The following PI4KA variants were observed in gnomAD, a reference collection of about 807,000 sequenced individuals.
PI4KA encodes PI4-kinase alpha.
PI4KA carries 122 observed loss-of-function variants against 271.4 expected under a neutral mutation model. The observed-to-expected ratio is 0.45, with a 90% confidence interval of 0.39 to 0.52. The LOEUF (loss-of-function observed/expected upper bound fraction) is 0.52, where lower values mean the gene tolerates loss of function less well. Among genes scored for constraint, PI4KA ranks in the 20% least tolerant of loss-of-function variants. PI4KA has a pLI of 0.00. For missense variants in PI4KA, 1,969 were observed against 2,769.1 expected (o/e 0.71, Z 6.48); for synonymous variants, 1,041 against 1,078.8 (o/e 0.96, Z 0.69).
At chr22:20,815,311 G>A (rs1162810366) in intron 7 of PI4KA, among the ~76,000 whole-genome samples, 4 of 149,948 alleles carry the variant, frequency 2.7e-5, no homozygotes. Flanking sequence ...AGCCCGGGAG[G>A]CTGAGGTTGC....
intron 19 of PI4KA, among the ~76,000 whole-genome samples, chr22:20,790,289 G>A (rs1336442053): frequency 3.3e-5 from 5 of 152,086 alleles, no homozygotes; most frequent in Admixed American, 6.6e-5. Flanking sequence ...ATTCAACAGA[G>A]TAATCTGAGA....
At chr22:20,825,014 G>T (rs2147719378) in intron 3 of PI4KA, among the ~76,000 whole-genome samples, 1 of 131,920 alleles carries the variant, frequency 7.6e-6, no homozygotes, top group African/African-American at 3.0e-5. Context: ...AGGTTCCAGT[G>T]AGCCGAGATC....
At chr22:20,832,281 C>T (rs1045206758) in intron 3 of PI4KA, among the ~76,000 whole-genome samples, 3 of 150,902 alleles carry the variant, frequency 2.0e-5, no homozygotes, top group East Asian at 2.0e-4. Flanking sequence ...CACACCCAGC[C>T]GATTTTTGTA....
chr22:20,712,664 G>T (rs1925458411), intron 49 of PI4KA, 29 bp downstream of exon 49: 1 of 1,553,064 alleles, frequency 6.4e-7, no homozygotes, highest in Non-Finnish European at 8.7e-7. Flanking sequence ...GCCCAGGGCT[G>T]CCCTACTGGC....
chr22:20,725,602 A>G (rs1456873841), intron 42 of PI4KA: 1 of 444,274 alleles, frequency 2.3e-6, no homozygotes. Context: ...ATGGCTATCA[A>G]TAAGCCAGGG....
At chr22:20,787,217 C>G (rs1031676232) in intron 19 of PI4KA, 3 of 723,660 alleles carry the variant, frequency 4.1e-6, no homozygotes, top group Admixed American at 4.3e-5. Context: ...TAGAAACGAC[C>G]AAGAAGAGAG....
In PI4KA at chr22:20,747,575, G is replaced by C. The variant is rs773493996; in HGVS notation, c.3363+8C>G. 1 of 1,613,462 alleles carries C rather than the reference G, an allele frequency of 6.2e-7. No homozygotes were observed. The highest frequency in any genetic ancestry group is 1.1e-5 in the South Asian group (1 of 91,038). On this transcript the variant is annotated splice_region_variant and intron_variant, in intron 29 of 54. Coordinates refer to ENST00000255882, the MANE Select transcript of PI4KA (RefSeq NM_058004.4). ...GGGGTCACTGCTCTTCAGAAGGCTC[G>C]CACATACCCCAAGAGTTGTGTTCTG...
chr22:20,773,870 A>C (rs1933035464), intron 19 of PI4KA: 2 of 152,298 alleles, frequency 1.3e-5, no homozygotes, highest in Non-Finnish European at 2.9e-5. Flanking sequence ...CTGCTCCTGC[A>C]CCAAGGCTAT....
chr22:20,813,056 C>A (rs1025401997), intron 8 of PI4KA, among the ~76,000 whole-genome samples: 1 of 152,202 alleles, frequency 6.6e-6, no homozygotes, highest in African/African-American at 2.4e-5. Flanking sequence ...AATCCCTGGA[C>A]TGGATGCAGC....
intron 19 of PI4KA, among the ~76,000 whole-genome samples, chr22:20,790,351 A>G (rs1020938208): frequency 1.3e-5 from 2 of 152,210 alleles, no homozygotes; most frequent in African/African-American, 4.8e-5. Context: ...AATAGAGTAT[A>G]TCTTTCTTTT....
At chr22:20,736,035 G>C (rs981050085) in intron 32 of PI4KA, among the ~76,000 whole-genome samples, 11 of 152,072 alleles carry the variant, frequency 7.2e-5, no homozygotes, top group Non-Finnish European at 1.6e-4. Flanking sequence ...GTCTATGGTG[G>C]GGACCACAGA....
Position 20,727,236 on chromosome 22 carries a change from G to A in PI4KA, c.4935C>T (p.Phe1645=), listed in dbSNP as rs1927461609. 6.2e-7 allele frequency: 1 copy of A among 1,612,296 alleles called. No individual in the cohort carries two copies. Among genetic ancestry groups the A allele is most frequent in the Admixed American group, 1.7e-5 (1 of 59,576 alleles). The part of the protein sequence containing the change: ...AQYGVKVLRS[F]PPDAILFYIP... ...AGCAGGGCCCTGGGCTCACCGGAGG[G>A]AAGGACCGCAGGACTTTCACCCCGT... Residue 1645 remains phenylalanine, a synonymous_variant, in exon 41 of 55, where the codon TTC becomes TTT. Coordinates refer to ENST00000255882, the MANE Select transcript of PI4KA (RefSeq NM_058004.4).
At chr22:20,765,402 T>A (rs1052473606) in intron 20 of PI4KA, among the ~76,000 whole-genome samples, 166 bp from the exon 21 acceptor site, 3 of 152,176 alleles carry the variant, frequency 2.0e-5, no homozygotes, top group Admixed American at 6.5e-5. Context: ...TCCTAAGGTG[T>A]ATGGCATTCT....
intron 29 of PI4KA, among the ~76,000 whole-genome samples, chr22:20,746,807 G>A (rs917101702): frequency 1.3e-5 from 2 of 152,304 alleles, no homozygotes; most frequent in Middle Eastern, 3.4e-3. Context: ...GCAAAATGAG[G>A]CGAGAAGACA....
At chr22:20,793,051 T>C in intron 19 of PI4KA, 142 bp downstream of exon 19, 1 of 624,392 alleles carries the variant, frequency 1.6e-6, no homozygotes, top group African/African-American at 1.8e-5. Context: ...GAAAAGCTGG[T>C]GATGGCTGCA....
intron 1 of PI4KA, among the ~76,000 whole-genome samples, chr22:20,852,526 T>G (rs2147825782): frequency 6.6e-6 from 1 of 152,350 alleles, no homozygotes; most frequent in Non-Finnish European, 1.5e-5. Flanking sequence ...AAACTAATAG[T>G]TAATATGGCA....
intron 3 of PI4KA, among the ~76,000 whole-genome samples, chr22:20,825,456 A>G (rs149259988): frequency 9.2e-5 from 14 of 152,234 alleles, no homozygotes; most frequent in African/African-American, 3.4e-4. Flanking sequence ...TTAGCCAGGC[A>G]TGGTGATGCA....
At chr22:20,739,364 C>G (rs1346360088) in intron 32 of PI4KA, among the ~76,000 whole-genome samples, 1 of 144,026 alleles carries the variant, frequency 6.9e-6, no homozygotes, top group Non-Finnish European at 1.5e-5. Context: ...AAAAAAGCAA[C>G]AACAAAAAAA....
intron 22 of PI4KA, among the ~76,000 whole-genome samples, chr22:20,763,247 G>A (rs1054090222): frequency 2.0e-5 from 3 of 151,844 alleles, no homozygotes; most frequent in Non-Finnish European, 4.4e-5. Flanking sequence ...CAGTAGCTGG[G>A]ACTACAGGCA....
Sources: gnomAD v4.1 joint callset for allele counts (sites outside exome capture counted in the v4.1 genomes callset) on GRCh38, gnomAD v4.1.1 for gene constraint, MANE v1.5 for transcripts, NCBI Gene and HGNC (gene_info 2026-07-23, HGNC 2026-07-21) for gene names.